INF2: variants seen among roughly 807,000 people sequenced by gnomAD.
The protein encoded by INF2 is inverted formin-2.
INF2 carries 43 observed loss-of-function variants against 123.5 expected under a neutral mutation model. The observed-to-expected ratio is 0.35, with a 90% CI of 0.27 to 0.45. The LOEUF is 0.45. INF2 is among the 20% of genes least tolerant of loss of function. The pLI is 1.00. For missense variants in INF2, 1,453 were observed against 1,682.7 expected (o/e 0.86, Z 2.39); for synonymous variants, 851 against 745.0 (o/e 1.14, Z -2.32).
In INF2 at chr14:104,712,775, G is replaced by A. The variant is rs189506578; in HGVS notation, c.2611-53G>A. On this transcript the variant is annotated intron_variant, in intron 17 of 22. Coordinates refer to ENST00000392634, the MANE Select transcript of INF2 (RefSeq NM_022489.4). The stretch of plus-strand genomic sequence containing the variant: ...CTCCCGCAACTCAGGGCCTCACCCC[G>A]GGTGGTGCCCGCGCGGGGCTCTCAC... The A allele has an allele frequency of 5.0e-4, 774 of 1,547,004 alleles. 10 individuals are homozygous for A. The East Asian group carries it at 0.016, about 33-fold the overall frequency.
intron 18 of INF2, 81 bp downstream of exon 18, chr14:104,713,073 A>G: frequency 6.2e-7 from 1 of 1,607,976 alleles, no homozygotes; most frequent in Non-Finnish European, 8.5e-7. Context: ...CAGGATGGGC[A>G]GAGGCACCTT....
chr14:104,682,368 G>T (rs1888546880), intron 1 of INF2, among the ~76,000 whole-genome samples: 1 of 152,208 alleles, frequency 6.6e-6, no homozygotes, highest in South Asian at 2.1e-4. Flanking sequence ...AGGAGCAAAT[G>T]GATTCCTTTC....
At position 104,719,039 on chromosome 14, in the gene INF2, C is replaced by A; in HGVS notation, c.*246C>A. On this transcript the variant is annotated 3_prime_UTR_variant, in exon 23 of 23. Transcript: ENST00000392634. ...ACCGCCTGCACGTGCCAGCCTCCCA[C>A]CTGCTTCCTAAAGGCAACCCTGGCC... is the stretch of plus-strand genomic sequence containing the variant. 2.2e-6 allele frequency: 2 copies of A among 929,590 alleles called. No individual in the cohort carries two copies. Among genetic ancestry groups the A allele is most frequent in the South Asian group, 2.1e-5 (1 of 47,692 alleles). 57.6% of individuals were successfully genotyped at this position (929,590 alleles called of 1,614,324 possible). A position where few individuals can be genotyped will look rare whatever the true frequency, so the allele number is the denominator to read the frequency against.
chr14:104,689,587 T>TGCTGCCCCCCC, upstream of INF2: 2 of 851,068 alleles, frequency 2.3e-6, no homozygotes, highest in Non-Finnish European at 2.8e-6. Flanking sequence ...CACCTCCTCT[T>TGCTGCCCCCCC]CCTCCCGCCC....
rs368652616 is a variant in INF2, at chr14:104,699,591, G to A, written c.-9-1766G>A. 29 of 984,612 alleles carry A rather than the reference G, an allele frequency of 2.9e-5. No homozygotes were observed. Among genetic ancestry groups the A allele is most frequent in the African/African-American group, 8.8e-5 (5 of 57,006 alleles). The allele number at this position is 984,612 out of a possible 1,614,324, so 61.0% of individuals were successfully genotyped here. A position where few individuals can be genotyped will look rare whatever the true frequency, so the allele number is the denominator to read the frequency against. ...GGCAGAGGTGGCCGGAAGGTCTTGCGCATCTGGGTGAGTGGACGGCCACTG... is the reference window on the plus strand; with the variant it reads ...GGCAGAGGTGGCCGGAAGGTCTTGCACATCTGGGTGAGTGGACGGCCACTG... On this transcript the variant is annotated intron_variant, in intron 1 of 22. Coordinates refer to ENST00000392634, the MANE Select transcript of INF2 (RefSeq NM_022489.4). The surrounding 1 kb of genome is among the most constrained non-coding windows in gnomAD (Gnocchi z 4.7).
rs968538501 is a variant in INF2, at chr14:104,719,078, G to A, written c.*285G>A. On this transcript the variant is annotated 3_prime_UTR_variant, in exon 23 of 23. Transcript: ENST00000392634. ...GCAACCCTGGCCCACACCCGCATGCGCCCGGTGCAGCCTGCCAAGGGCCAG... is the reference window on the plus strand; with the variant it reads ...GCAACCCTGGCCCACACCCGCATGCACCCGGTGCAGCCTGCCAAGGGCCAG... The A allele has an allele frequency of 1.6e-5, 9 of 574,404 alleles. No homozygotes were observed. The highest frequency in any genetic ancestry group is 6.4e-5 in the East Asian group (2 of 31,308). The allele number at this position is 574,404 out of a possible 1,614,324, so 35.6% of individuals were successfully genotyped here. A position where few individuals can be genotyped will look rare whatever the true frequency, so the allele number is the denominator to read the frequency against.
At chr14:104,713,407 G>T in intron 19 of INF2, 38 bp from the exon 20 acceptor site, 1 of 1,596,886 alleles carries the variant, frequency 6.3e-7, no homozygotes, top group East Asian at 2.3e-5. Flanking sequence ...TGGGCTCCAG[G>T]GTCCCATGCC....
chr14:104,681,766 C>G (rs1429338648), intron 1 of INF2, among the ~76,000 whole-genome samples: 2 of 152,080 alleles, frequency 1.3e-5, no homozygotes, highest in Non-Finnish European at 2.9e-5. Context: ...GCAGGGTGGG[C>G]GGGGCAGGTG....
rs575544824 is a variant in INF2, at chr14:104,716,361, G to A, written c.*1+1021G>A. On this transcript the variant is annotated intron_variant, in intron 22 of 22. Transcript: ENST00000392634. ...GGCACGGCCTTCACCCTGGGTTCCA[G>A]CTTTTGCTTCCAGGGTCATCTTCCG... 2.1e-3 allele frequency among the ~76,000 whole-genome samples: 316 copies of A among 152,378 alleles called. 4 individuals carry two copies. The highest frequency in any genetic ancestry group is 7.2e-3 in the African/African-American group (298 of 41,590).
chr14:104,715,200 C>T lies in INF2; in HGVS notation c.3695-84C>T, dbSNP rs565911764. The T allele has an allele frequency of 4.3e-4, 596 of 1,370,452 alleles. 2 individuals are homozygous for T. The African/African-American group carries it at 4.6e-3, about 11-fold the overall frequency. 84.9% of individuals were successfully genotyped at this position (1,370,452 alleles called of 1,614,324 possible). ...TCAGAGGGTGTTGGCATGGCTGTCCCGGGCCCCCCAGCCCCACCCACTCCG... is the reference window on the plus strand; with the variant it reads ...TCAGAGGGTGTTGGCATGGCTGTCCTGGGCCCCCCAGCCCCACCCACTCCG... On this transcript the variant is annotated intron_variant, in intron 21 of 22. Transcript: ENST00000392634.
chr14:104,705,416 CAAAA>C (rs11289751), intron 5 of INF2, among the ~76,000 whole-genome samples: 1 of 143,548 alleles, frequency 7.0e-6, no homozygotes, highest in Non-Finnish European at 1.5e-5. Flanking sequence ...GACTCCATCT[CAAAA>C]AAAAAAAACA....
In INF2 at chr14:104,707,781, C is replaced by T; in HGVS notation, c.1514C>T (p.Pro505Leu). Residue 505 changes from proline to leucine, a missense_variant, in exon 8 of 23, where the codon CCC (proline) becomes CTC (leucine). Physicochemically the swap from Pro to Leu is moderately conservative, Grantham distance 98. This residue lies in a region of INF2 where 374 missense variants were observed against 303.7 expected (regional missense o/e 1.23). Transcript: ENST00000392634. Reference sequence around the variant, plus strand: ...TTGGGATGCCCGCCCCCACCCCCACCCCTGCTGCCTGGTATGGGCTGGGGC... The same window carrying T: ...TTGGGATGCCCGCCCCCACCCCCACTCCTGCTGCCTGGTATGGGCTGGGGC... The part of the protein sequence containing the change: ...PGLGCPPPPP[P>L]LLPGMGWGPP... 1 of 1,417,408 alleles carries T rather than the reference C, an allele frequency of 7.1e-7. No homozygotes were observed. The allele number at this position is 1,417,408 out of a possible 1,614,324, so 87.8% of individuals were successfully genotyped here.
At chr14:104,695,126 C>G (rs1022094604) in intron 1 of INF2, among the ~76,000 whole-genome samples, 2 of 152,136 alleles carry the variant, frequency 1.3e-5, no homozygotes, top group Non-Finnish European at 2.9e-5. Flanking sequence ...GCCCAGCAGA[C>G]CCCCTGCAGG....
At chr14:104,692,922 C>G (rs988087507) in intron 1 of INF2, among the ~76,000 whole-genome samples, 13 of 152,348 alleles carry the variant, frequency 8.5e-5, no homozygotes, top group African/African-American at 2.4e-4. Flanking sequence ...TGGGCTGCCC[C>G]GAGCCTCTGT....
Position 104,714,781 on chromosome 14 carries a change from C to G in INF2, c.3619C>G (p.Leu1207Val). The G allele has an allele frequency of 2.5e-6, 4 of 1,598,546 alleles. No homozygotes were observed. The highest frequency in any genetic ancestry group is 2.2e-5 in the South Asian group (2 of 89,292). ...GACCGACTCCTCGGGGTCGGGCACA[C>G]TCCCCAGGGCCCGGGGCCGGGCCTC... ...AVTDSSGSGT[L>V]PRARGRASKG... The change falls in exon 21 of 23, where the codon CTC (leucine) becomes GTC (valine). Residue 1207 changes from leucine to valine, a missense_variant. By Grantham distance (32) the Leu-to-Val change is conservative (BLOSUM62 1). Transcript: ENST00000392634.
chr14:104,700,378 G>C (rs1278390197), intron 1 of INF2, among the ~76,000 whole-genome samples: 1 of 152,198 alleles, frequency 6.6e-6, no homozygotes, highest in Non-Finnish European at 1.5e-5. Flanking sequence ...CGGGGTGGAG[G>C]CTCAGAGCGT....
At chr14:104,689,587 TCCTC>T, upstream of INF2, 8 of 851,048 alleles carry the variant, frequency 9.4e-6, no homozygotes, top group Non-Finnish European at 9.8e-6. Context: ...CACCTCCTCT[TCCTC>T]CCGCCCGCCC....
chr14:104,703,107 C>G lies in INF2; in HGVS notation c.394C>G (p.Leu132Val). 6.2e-7 allele frequency: 1 copy of G among 1,613,128 alleles called. No individual in the cohort carries two copies. Among genetic ancestry groups the G allele is most frequent in the Non-Finnish European group, 8.5e-7 (1 of 1,179,588 alleles). Residue 132 changes from leucine (L) to valine (V), a missense_variant and splice_region_variant, in exon 3 of 23, where the codon CTG becomes GTG. Transcript: ENST00000392634. ...QGYVRQLSQA[L>V]DTSNVMVKKQ... ...GCCTGCCCACTCCACCCTGGCAGCCCTGGACACATCCAACGTGATGGTGAA... is the reference window on the plus strand; with the variant it reads ...GCCTGCCCACTCCACCCTGGCAGCCGTGGACACATCCAACGTGATGGTGAA...
intron 6 of INF2, 148 bp from the exon 7 acceptor site, chr14:104,706,762 A>G: frequency 1.2e-6 from 1 of 836,944 alleles, no homozygotes; most frequent in Non-Finnish European, 1.8e-6. Flanking sequence ...ACATGTCACC[A>G]GTACCACAGT....
Sources: gnomAD v4.1 joint callset for allele counts (sites outside exome capture counted in the v4.1 genomes callset) on GRCh38, gnomAD v4.1.1 for gene constraint, gnomAD v4.1.1 regional missense constraint, Gnocchi (gnomAD v3.1) non-coding constraint, MANE v1.5 for transcripts, NCBI Gene and HGNC (gene_info 2026-07-23, HGNC 2026-07-21) for gene names.